The following NAV2 variants were observed in gnomAD, a reference collection of about 807,000 sequenced individuals.
NAV2 encodes the protein neuron navigator 2, also known as helicase, APC down-regulated 1.
NAV2 carries 54 observed loss-of-function variants against 223.2 expected under a neutral mutation model. That is an observed-to-expected ratio of 0.24 (90% CI 0.19 to 0.30). The LOEUF (loss-of-function observed/expected upper bound fraction) is 0.30, where lower values mean the gene tolerates loss of function less well. NAV2 is among the 10% of genes least tolerant of loss of function. NAV2 has a pLI of 1.00. For missense variants in NAV2, 2,806 were observed against 3,147.5 expected (o/e 0.89, Z 2.60); for synonymous variants, 1,279 against 1,239.3 (o/e 1.03, Z -0.67).
intron 1 of NAV2, among the ~76,000 whole-genome samples, chr11:19,550,893 A>G (rs1260264874): frequency 6.6e-6 from 1 of 152,236 alleles, no homozygotes; most frequent in Non-Finnish European, 1.5e-5. Context: ...CAATGTCCCA[A>G]CAACCCAAAA....
intron 10 of NAV2, among the ~76,000 whole-genome samples, chr11:19,959,536 T>C (rs1249923362): frequency 6.6e-6 from 1 of 152,124 alleles, no homozygotes; most frequent in Non-Finnish European, 1.5e-5. Context: ...TTGAATGAGG[T>C]GACACAGGCA....
At chr11:19,791,802 TG>T (rs1230121232) in intron 1 of NAV2, among the ~76,000 whole-genome samples, 1 of 152,176 alleles carries the variant, frequency 6.6e-6, no homozygotes, top group Non-Finnish European at 1.5e-5. Context: ...ATTTCAGCTT[TG>T]CCAAGCACTG....
chr11:19,997,926 G>A (rs1171278644), intron 11 of NAV2, among the ~76,000 whole-genome samples: 1 of 152,004 alleles, frequency 6.6e-6, no homozygotes, highest in Admixed American at 6.6e-5. Context: ...TCCTCTGGGG[G>A]CTCTCATCTA....
At chr11:19,589,262 CA>C (rs1166789749) in intron 1 of NAV2, among the ~76,000 whole-genome samples, 1 of 152,104 alleles carries the variant, frequency 6.6e-6, no homozygotes, top group African/African-American at 2.4e-5. Flanking sequence ...ATCAAACGAA[CA>C]AACAAAAAAA....
At chr11:20,049,671 A>G (rs1285553622) in intron 15 of NAV2, among the ~76,000 whole-genome samples, 165 bp from the exon 16 acceptor site, 1 of 152,024 alleles carries the variant, frequency 6.6e-6, no homozygotes, top group Non-Finnish European at 1.5e-5. Context: ...AAGTGTTCTC[A>G]GAGCCCTGGA....
At chr11:19,392,378 G>A (rs922280701) in intron 1 of NAV2, among the ~76,000 whole-genome samples, 12 of 41,864 alleles carry the variant, frequency 2.9e-4, no homozygotes, top group African/African-American at 5.7e-4. Flanking sequence ...GGGCTCAGCA[G>A]GGTGATTTTT....
At chr11:19,572,340 T>C (rs2045452226) in intron 1 of NAV2, among the ~76,000 whole-genome samples, 1 of 152,208 alleles carries the variant, frequency 6.6e-6, no homozygotes, top group Non-Finnish European at 1.5e-5. Flanking sequence ...AACTGAGACT[T>C]GGGGATATGG....
At chr11:19,917,339 A>G (rs982841780) in intron 6 of NAV2, among the ~76,000 whole-genome samples, 4 of 152,130 alleles carry the variant, frequency 2.6e-5, no homozygotes, top group African/African-American at 4.8e-5. Flanking sequence ...GTGACAGTAT[A>G]TTGTTGAGGG....
intron 1 of NAV2, among the ~76,000 whole-genome samples, chr11:19,391,905 C>T (rs934971428): frequency 6.6e-6 from 1 of 152,170 alleles, no homozygotes; most frequent in African/African-American, 2.4e-5. Context: ...AGGGATTAAC[C>T]AGCTCTCCTG....
At chr11:19,422,290 C>G (rs1850647427) in intron 1 of NAV2, among the ~76,000 whole-genome samples, 1 of 152,200 alleles carries the variant, frequency 6.6e-6, no homozygotes, top group African/African-American at 2.4e-5. Context: ...CTCATCTCTG[C>G]TGGGCTGATC....
At chr11:19,535,847 G>A (rs566151938) in intron 1 of NAV2, among the ~76,000 whole-genome samples, 14 of 152,268 alleles carry the variant, frequency 9.2e-5, no homozygotes, top group African/African-American at 3.1e-4. Flanking sequence ...CAATAAATGT[G>A]CCTCCCAGGG....
chr11:19,671,597 C>G (rs569503990), intron 1 of NAV2, among the ~76,000 whole-genome samples: 2 of 152,322 alleles, frequency 1.3e-5, no homozygotes, highest in African/African-American at 4.8e-5. Context: ...CTCTGCCCCA[C>G]CTGTTTCCTG....
intron 18 of NAV2, among the ~76,000 whole-genome samples, chr11:20,054,537 A>G (rs1365943778): frequency 3.9e-5 from 6 of 152,180 alleles, no homozygotes; most frequent in African/African-American, 1.4e-4. Flanking sequence ...AGTTTTTGAT[A>G]CTGTAATCAA....
intron 3 of NAV2, among the ~76,000 whole-genome samples, chr11:19,845,575 T>A (rs1250676475): frequency 6.6e-6 from 1 of 152,228 alleles, no homozygotes; most frequent in Non-Finnish European, 1.5e-5. Context: ...GAGTGGGTGC[T>A]ATTCCAGTTT....
At chr11:20,043,453 T>TTTC (rs1248504059) in intron 12 of NAV2, among the ~76,000 whole-genome samples, 5 of 152,176 alleles carry the variant, frequency 3.3e-5, no homozygotes, top group Non-Finnish European at 7.3e-5. Context: ...TTGCTTTTCT[T>TTTC]TTCTTCTTTT....
chr11:19,948,099 G>C (rs999354301), intron 9 of NAV2, among the ~76,000 whole-genome samples: 3 of 149,976 alleles, frequency 2.0e-5, no homozygotes, highest in African/African-American at 7.4e-5. Context: ...TTTTTTTGCC[G>C]GGGGGGATGG....
Position 20,118,945 on chromosome 11 carries a change from A to G in NAV2, c.*687A>G, listed in dbSNP as rs922867714. On this transcript the variant is annotated 3_prime_UTR_variant, in exon 38 of 38. Coordinates refer to ENST00000349880, the MANE Select transcript of NAV2 (RefSeq NM_145117.5). Reference sequence around the variant, plus strand: ...CAATCAAACCACCCCATTCAGGTCCATCAGCCTCTGATTAATATCCGTGAG... The same window carrying G: ...CAATCAAACCACCCCATTCAGGTCCGTCAGCCTCTGATTAATATCCGTGAG... The G allele has an allele frequency of 6.5e-6, 1 of 152,750 alleles. No homozygotes were observed. The highest frequency in any genetic ancestry group is 1.5e-5 in the Non-Finnish European group (1 of 68,158). The allele number at this position is 152,750 out of a possible 1,614,324, so 9.5% of individuals were successfully genotyped here. A position where few individuals can be genotyped will look rare whatever the true frequency, so the allele number is the denominator to read the frequency against.
Position 20,049,908 on chromosome 11 carries a change from A to G in NAV2, c.4436+7A>G. ...TGCCCAGGAAACAGGACAGGTAATG[A>G]CATTGCAGGCCGGGGACCAACCGAG... On this transcript the variant is annotated splice_region_variant and intron_variant, in intron 16 of 37. Transcript: ENST00000349880. 1 of 1,614,014 alleles carries G rather than the reference A, an allele frequency of 6.2e-7. No homozygotes were observed. The highest frequency in any genetic ancestry group is 1.3e-5 in the African/African-American group (1 of 75,054).
intron 6 of NAV2, among the ~76,000 whole-genome samples, chr11:19,906,240 C>G (rs948602846): frequency 6.6e-6 from 1 of 152,138 alleles, no homozygotes; most frequent in African/African-American, 2.4e-5. Flanking sequence ...AGTTCGAAGG[C>G]AGAGAGTTGA....
Sources: allele counts gnomAD v4.1 joint callset (sites outside exome capture counted in the v4.1 genomes callset), GRCh38; gene constraint gnomAD v4.1.1; transcripts MANE v1.5; gene names NCBI Gene and HGNC (gene_info 2026-07-23, HGNC 2026-07-21).